RALGPS1: variants seen among roughly 807,000 people sequenced by gnomAD.
RALGPS1 encodes the protein Ral GEF with PH domain and SH3 binding motif 1.
RALGPS1 carries 19 observed loss-of-function variants against 78.8 expected under a neutral mutation model. That is an observed-to-expected ratio of 0.24 (90% CI 0.17 to 0.35). RALGPS1 has a LOEUF of 0.35. RALGPS1 is among the 10% of genes least tolerant of loss of function. The probability of loss-of-function intolerance (pLI) is 1.00; values close to 1 mark genes in which losing one functional copy is unlikely to be tolerated. For synonymous variants in RALGPS1, 228 were observed against 256.3 expected, an observed-to-expected ratio of 0.89 and a Z score of 1.06; for missense variants, 454 against 688.3, an observed-to-expected ratio of 0.66 and a Z score of 3.81.
At chr9:126,935,653 C>T (rs150260001) in intron 1 of RALGPS1, among the ~76,000 whole-genome samples, 11 of 152,300 alleles carry the variant, frequency 7.2e-5, no homozygotes, top group African/African-American at 2.4e-4. Flanking sequence ...AGAAGAAGCA[C>T]GTTTCCAAAA....
rs758499755 is a variant in RALGPS1, at chr9:127,052,937, G to T, written c.481G>T (p.Ala161Ser). Residue 161 changes from alanine to serine, a missense_variant and splice_region_variant, in exon 7 of 19, where the codon GCT becomes TCT. By Grantham distance (99) the Ala-to-Ser change is moderately conservative (BLOSUM62 1). Transcript: ENST00000259351. The stretch of plus-strand genomic sequence containing the variant: ...CATCTTCAGGCTGACAAAAACCTGG[G>T]CTGTAAGTTAATCTCCCTAAGTCTA... ...APIFRLTKTW[A>S]LLNRKDKTTF... 2.9e-5 allele frequency: 45 copies of T among 1,578,754 alleles called. 1 individual carries two copies. In the Admixed American group the frequency reaches 7.2e-4, roughly 25 times the overall value.
At chr9:127,154,600 C>A (rs1447759560) in intron 8 of RALGPS1, among the ~76,000 whole-genome samples, 1 of 152,182 alleles carries the variant, frequency 6.6e-6, no homozygotes, top group Non-Finnish European at 1.5e-5. Context: ...AAATCTGTTG[C>A]TTGTTTTCCA....
At chr9:126,952,652 A>AGTGTGTGTGTGTGTGTGTGTGTGTGT (rs768212640) in intron 1 of RALGPS1, among the ~76,000 whole-genome samples, 3 of 122,530 alleles carry the variant, frequency 2.4e-5, no homozygotes, top group African/African-American at 8.0e-5. Flanking sequence ...AGAGAGAGAG[A>AGTGTGTGTGTGTGTGTGTGTGTGTGT]GAGAGTGTGT....
chr9:127,052,569 G>C lies in RALGPS1; in HGVS notation c.391-278G>C, dbSNP rs367736298. On this transcript the variant is annotated intron_variant, in intron 6 of 18. Coordinates refer to ENST00000259351, the MANE Select transcript of RALGPS1 (RefSeq NM_014636.3). ...GCCTGCTGGGACAGTATTCAGATTT[G>C]TCTAAAGAAAGAACGTAATGCACAC... Among the ~76,000 whole-genome samples the C allele has an allele frequency of 8.5e-5, 13 of 152,312 alleles. No homozygotes were observed. The South Asian group carries it at 1.0e-3, about 12-fold the overall frequency.
intron 8 of RALGPS1, among the ~76,000 whole-genome samples, chr9:127,143,797 C>T (rs907613899): frequency 1.3e-5 from 2 of 152,166 alleles, no homozygotes; most frequent in Non-Finnish European, 2.9e-5. Flanking sequence ...AAAGAGTTCC[C>T]ACTGAAAACA....
At chr9:127,010,031 C>T (rs2044201968) in intron 4 of RALGPS1, among the ~76,000 whole-genome samples, 1 of 152,190 alleles carries the variant, frequency 6.6e-6, no homozygotes, top group Admixed American at 6.5e-5. Flanking sequence ...CTTCCATTTT[C>T]CCCAAGAGAG....
At chr9:127,138,384 G>A (rs2057541100) in intron 8 of RALGPS1, among the ~76,000 whole-genome samples, 1 of 152,184 alleles carries the variant, frequency 6.6e-6, no homozygotes, top group Non-Finnish European at 1.5e-5. Context: ...TGCTTATTGA[G>A]CACTGTGGCC....
At chr9:127,088,296 TAAG>T (rs1246670025) in intron 8 of RALGPS1, 1 of 152,148 alleles carries the variant, frequency 6.6e-6, no homozygotes, top group Non-Finnish European at 1.5e-5. Flanking sequence ...AAGGGGTTCT[TAAG>T]AAGCTGGGAA....
intron 8 of RALGPS1, among the ~76,000 whole-genome samples, chr9:127,138,637 A>T (rs781132772): frequency 6.6e-6 from 1 of 152,112 alleles, no homozygotes; most frequent in Non-Finnish European, 1.5e-5. Flanking sequence ...GAGCCACAGA[A>T]TCCTGTGGAG....
At chr9:126,963,661 C>G (rs542988306) in intron 2 of RALGPS1, among the ~76,000 whole-genome samples, 87 of 152,216 alleles carry the variant, frequency 5.7e-4, no homozygotes, top group African/African-American at 2.0e-3. Flanking sequence ...TCACAATAAC[C>G]CCATCAGGTG....
chr9:127,015,675 C>T (rs1340222906), intron 4 of RALGPS1, among the ~76,000 whole-genome samples: 1 of 152,176 alleles, frequency 6.6e-6, no homozygotes, highest in African/African-American at 2.4e-5. Flanking sequence ...TCTTTGGTAT[C>T]TGATCATCTG....
chr9:126,972,712 A>G (rs1249430280), intron 3 of RALGPS1, among the ~76,000 whole-genome samples: 1 of 152,210 alleles, frequency 6.6e-6, no homozygotes, highest in Admixed American at 6.5e-5. Context: ...TCTTCAGCAG[A>G]TGTATTACAA....
chr9:126,947,076 T>C (rs1398283051), intron 1 of RALGPS1, among the ~76,000 whole-genome samples: 1 of 152,216 alleles, frequency 6.6e-6, no homozygotes. Flanking sequence ...TTCAGAGAAA[T>C]GCATATTCCT....
In RALGPS1 at chr9:127,183,309, C is replaced by T. The variant is rs1564740709; in HGVS notation, c.910+8527C>T. ...CACTTCCGTGGGTATTTCAGAGATTCCACAAGTCCCTTGACCCAGGCAGAT... is the reference window on the plus strand; with the variant it reads ...CACTTCCGTGGGTATTTCAGAGATTTCACAAGTCCCTTGACCCAGGCAGAT... On this transcript the variant is annotated intron_variant, in intron 11 of 18. Transcript: ENST00000259351. This position sits in a 1 kb window ranked among gnomAD's most constrained non-coding sequence, Gnocchi z 4.0. Among the ~76,000 whole-genome samples, 1 of 152,174 alleles carries T rather than the reference C, an allele frequency of 6.6e-6. No homozygotes were observed. Among genetic ancestry groups the T allele is most frequent in the Non-Finnish European group, 1.5e-5 (1 of 68,024 alleles).
chr9:126,947,875 G>A (rs973789379), intron 1 of RALGPS1, among the ~76,000 whole-genome samples: 1 of 152,220 alleles, frequency 6.6e-6, no homozygotes, highest in Non-Finnish European at 1.5e-5. Flanking sequence ...AATATATGTA[G>A]CTACTGCAGG....
At chr9:127,044,244 A>G (rs1368784319) in intron 5 of RALGPS1, among the ~76,000 whole-genome samples, 1 of 152,130 alleles carries the variant, frequency 6.6e-6, no homozygotes, top group African/African-American at 2.4e-5. Flanking sequence ...ATATAAAGAC[A>G]TGGATGAATC....
rs74828101 is a variant in RALGPS1 at position 127,216,766 on chromosome 9, G to A, written c.1644+1924G>A. ...CCAAGACCTGAACAAGGCTGCCGCC[G>A]CCCCAGCTTGCATTAAGAGAGGAAG... On this transcript the variant is annotated intron_variant, in intron 18 of 18. Coordinates refer to ENST00000259351, the MANE Select transcript of RALGPS1 (RefSeq NM_014636.3). 1.8e-3 allele frequency: 1,331 copies of A among 729,596 alleles called. 23 individuals are homozygous for A. The African/African-American group carries it at 0.022, about 12-fold the overall frequency. The allele number at this position is 729,596 out of a possible 1,614,324, so 45.2% of individuals were successfully genotyped here.
intron 1 of RALGPS1, among the ~76,000 whole-genome samples, chr9:126,937,438 T>C (rs528271380): frequency 9.6e-4 from 146 of 152,326 alleles, no homozygotes; most frequent in Middle Eastern, 3.4e-3. Flanking sequence ...GTTTTGACTA[T>C]TGGAGATCAG....
At chr9:127,077,527 G>C (rs1564534134) in intron 8 of RALGPS1, among the ~76,000 whole-genome samples, 1 of 152,194 alleles carries the variant, frequency 6.6e-6, no homozygotes, top group Non-Finnish European at 1.5e-5. Context: ...CCCTGAACAG[G>C]GATATGAGTG....
Sources: allele counts gnomAD v4.1 joint callset (sites outside exome capture counted in the v4.1 genomes callset), GRCh38; gene constraint gnomAD v4.1.1; non-coding constraint Gnocchi (gnomAD v3.1); transcripts MANE v1.5; gene names NCBI Gene and HGNC (gene_info 2026-07-23, HGNC 2026-07-21).